The following TPR variants were observed in gnomAD, a reference collection of about 807,000 sequenced individuals.
TPR encodes the protein translocated promoter region, nuclear basket protein.
In TPR, 51 loss-of-function variants were observed where a neutral mutation model predicts 316.1. The ratio of observed to expected loss-of-function variants is 0.16; its 90% confidence interval spans 0.13 to 0.20. The LOEUF (loss-of-function observed/expected upper bound fraction) is 0.20. Among genes scored for constraint, TPR ranks in the 10% least tolerant of loss-of-function variants. TPR has a pLI of 1.00. For synonymous variants in TPR, 981 were observed against 914.7 expected (o/e 1.07, Z -1.31); for missense variants, 2,272 against 2,754.8 (o/e 0.82, Z 3.92).
intron 27 of TPR, chr1:186,341,903 G>A (rs1658515102): frequency 6.5e-6 from 1 of 154,094 alleles, no homozygotes; most frequent in Non-Finnish European, 1.4e-5. Context: ...TGTTTTTAAA[G>A]CTATAGCATA....
chr1:186,350,910 A>G (rs934519065), intron 20 of TPR, among the ~76,000 whole-genome samples: 4 of 152,174 alleles, frequency 2.6e-5, no homozygotes, highest in African/African-American at 9.7e-5. Flanking sequence ...AAAGAAAGTC[A>G]AGAATAATGC....
chr1:186,343,091 C>G (rs967535886), intron 27 of TPR: 6 of 385,246 alleles, frequency 1.6e-5, no homozygotes, highest in Non-Finnish European at 2.7e-5. Flanking sequence ...AAACAATGTA[C>G]CCAAGGCCAC....
At chr1:186,356,757 T>C (rs1659040342) in intron 14 of TPR, among the ~76,000 whole-genome samples, 1 of 152,170 alleles carries the variant, frequency 6.6e-6, no homozygotes, top group African/African-American at 2.4e-5. Context: ...ACATTATACA[T>C]GTATTTTGAA....
At chr1:186,337,599 A>G (rs1187645851) in intron 31 of TPR, among the ~76,000 whole-genome samples, 1 of 152,156 alleles carries the variant, frequency 6.6e-6, no homozygotes, top group Admixed American at 6.6e-5. Context: ...AAATAAATAC[A>G]TAATTCTCAA....
At chr1:186,359,680 GT>G in intron 12 of TPR, 118 bp downstream of exon 12, 1 of 1,016,224 alleles carries the variant, frequency 9.8e-7, no homozygotes, top group Non-Finnish European at 1.4e-6. Context: ...TTCAAAATGT[GT>G]TTATTGAAAA....
At chr1:186,327,928 A>G (rs888352536) in intron 39 of TPR, among the ~76,000 whole-genome samples, 21 of 151,900 alleles carry the variant, frequency 1.4e-4, no homozygotes, top group Admixed American at 1.0e-3. Flanking sequence ...GACTATAGGC[A>G]CCACCCCACG....
chr1:186,313,407 TCAAAC>T lies in TPR; in HGVS notation c.*559_*563del. 2.6e-6 allele frequency: 1 copy of T among 387,924 alleles called. No individual in the cohort carries two copies. Among genetic ancestry groups the T allele is most frequent in the Non-Finnish European group, 4.6e-6 (1 of 215,326 alleles). The allele number at this position is 387,924 out of a possible 1,614,324, so 24.0% of individuals were successfully genotyped here. ...GGAATAACCCCAAGTAAATTATTTT[TCAAAC>T]TTGGTTACTCTTTAATGTTTACTTC... On this transcript the variant is annotated 3_prime_UTR_variant, in exon 51 of 51. Transcript: ENST00000367478.
At chr1:186,350,102 TTG>T (rs1168420780) in intron 21 of TPR, 119 bp downstream of exon 21, 6 of 1,017,080 alleles carry the variant, frequency 5.9e-6, no homozygotes, top group Non-Finnish European at 8.1e-6. Flanking sequence ...GGGTTTTTTT[TTG>T]TGTTTGTTTC....
intron 42 of TPR, among the ~76,000 whole-genome samples, chr1:186,324,906 C>T (rs762242966): frequency 1.3e-5 from 2 of 152,076 alleles, no homozygotes; most frequent in Non-Finnish European, 2.9e-5. Flanking sequence ...TGTTTCTTAA[C>T]CTACAAATTG....
intron 9 of TPR, among the ~76,000 whole-genome samples, chr1:186,361,173 C>T (rs757829880): frequency 3.3e-5 from 5 of 151,676 alleles, no homozygotes; most frequent in African/African-American, 7.3e-5. Flanking sequence ...TCTTTGATTT[C>T]GATTTTGATC....
intron 36 of TPR, among the ~76,000 whole-genome samples, 185 bp from the exon 37 acceptor site, chr1:186,333,579 C>A (rs753471515): frequency 1.3e-5 from 2 of 151,954 alleles, no homozygotes; most frequent in Non-Finnish European, 2.9e-5. Flanking sequence ...TGGTAGCATG[C>A]AATAAAATGT....
At position 186,363,495 on chromosome 1, in the gene TPR, GA is replaced by G. The variant is rs1558035249; in HGVS notation, c.428-51del. 6 of 1,216,106 alleles carry G rather than the reference GA, an allele frequency of 4.9e-6. No homozygotes were observed. In the South Asian group the frequency reaches 7.7e-5, roughly 16 times the overall value. The allele number at this position is 1,216,106 out of a possible 1,614,324, so 75.3% of individuals were successfully genotyped here. ...AATAATAACTAATTAACACTCAGGG[GA>G]ACCAAATATCAAAAATATATTTCTA... On this transcript the variant is annotated intron_variant, in intron 4 of 50. Transcript: ENST00000367478.
Position 186,362,281 on chromosome 1 carries a change from T to C in TPR, c.789+7A>G, listed in dbSNP as rs200913902. 14 of 1,605,716 alleles carry C rather than the reference T, an allele frequency of 8.7e-6. No individual in the cohort carries two copies. Among genetic ancestry groups the C allele is most frequent in the Middle Eastern group, 1.7e-4 (1 of 6,034 alleles). ...TGTAAAAAAGACATTTTAATGGTCATATATACCTCTTTTAATTTGGTCAAC... is the reference window on the plus strand; with the variant it reads ...TGTAAAAAAGACATTTTAATGGTCACATATACCTCTTTTAATTTGGTCAAC... On this transcript the variant is annotated splice_region_variant and intron_variant, in intron 7 of 50. Coordinates refer to ENST00000367478, the MANE Select transcript of TPR (RefSeq NM_003292.3).
chr1:186,318,007 G>T (rs546394764), intron 48 of TPR, among the ~76,000 whole-genome samples: 4 of 152,050 alleles, frequency 2.6e-5, no homozygotes, highest in Non-Finnish European at 4.4e-5. Flanking sequence ...ACCAAACCAC[G>T]GGCTCTAGCC....
At chr1:186,366,175 A>G (rs190315072) in intron 4 of TPR, among the ~76,000 whole-genome samples, 53 of 152,302 alleles carry the variant, frequency 3.5e-4, no homozygotes, top group African/African-American at 1.2e-3. Flanking sequence ...TATTTCGTAA[A>G]GTTACATTGA....
chr1:186,322,630 G>A (rs1465799172), intron 43 of TPR, 44 bp from the exon 44 acceptor site: 4 of 1,597,112 alleles, frequency 2.5e-6, no homozygotes, highest in Non-Finnish European at 3.4e-6. Context: ...TAAGAAATGA[G>A]GCAATGAAAC....
intron 42 of TPR, 58 bp from the exon 43 acceptor site, chr1:186,323,928 A>G: frequency 6.8e-7 from 1 of 1,478,520 alleles, no homozygotes; most frequent in Non-Finnish European, 9.0e-7. Flanking sequence ...AAAAACTTGG[A>G]CAATCCCTAG....
chr1:186,373,156 T>C (rs796848804), intron 2 of TPR, among the ~76,000 whole-genome samples: 13 of 152,310 alleles, frequency 8.5e-5, no homozygotes, highest in African/African-American at 3.1e-4. Flanking sequence ...AGAATAAGAA[T>C]CCAGACCTCC....
In TPR at chr1:186,312,981, A is replaced by C. The variant is rs1422030510; in HGVS notation, c.*990T>G. 19 of 1,371,136 alleles carry C rather than the reference A, an allele frequency of 1.4e-5. No homozygotes were observed. The highest frequency in any genetic ancestry group is 2.0e-5 in the Non-Finnish European group (19 of 962,930). The allele number at this position is 1,371,136 out of a possible 1,614,324, so 84.9% of individuals were successfully genotyped here. Reference sequence around the variant, plus strand: ...AGTAAAAATGCTGGCTGCAATGATGACTGAATGTGAGAAGTTACACTACGG... The same window carrying C: ...AGTAAAAATGCTGGCTGCAATGATGCCTGAATGTGAGAAGTTACACTACGG... On this transcript the variant is annotated 3_prime_UTR_variant, in exon 51 of 51. Coordinates refer to ENST00000367478, the MANE Select transcript of TPR (RefSeq NM_003292.3).
Sources: gnomAD v4.1 joint callset for allele counts (sites outside exome capture counted in the v4.1 genomes callset) on GRCh38, gnomAD v4.1.1 for gene constraint, MANE v1.5 for transcripts, NCBI Gene and HGNC (gene_info 2026-07-23, HGNC 2026-07-21) for gene names.